The following CCDC102B variants were observed in gnomAD, a reference collection of about 807,000 sequenced individuals.
CCDC102B encodes the protein coiled-coil domain containing 102B.
In CCDC102B, 75 loss-of-function variants were observed where a neutral mutation model predicts 57.4. The observed-to-expected ratio is 1.31, with a 90% CI of 1.08 to 1.58. The LOEUF (loss-of-function observed/expected upper bound fraction) is 1.58. Among genes scored for constraint, CCDC102B ranks in the 40% most tolerant of loss-of-function variants. The pLI is 0.00. For synonymous variants in CCDC102B, 206 were observed against 201.9 expected (o/e 1.02, Z -0.17); for missense variants, 636 against 582.6 (o/e 1.09, Z -0.94).
chr18:68,866,691 TAC>T (rs1368617644), intron 4 of CCDC102B: 2 of 473,320 alleles, frequency 4.2e-6, no homozygotes, highest in Non-Finnish European at 8.3e-6. Flanking sequence ...TAGCACTGTC[TAC>T]AGTTTGGCCT....
intron 3 of CCDC102B, among the ~76,000 whole-genome samples, chr18:68,840,597 A>C (rs566715882): frequency 6.6e-6 from 1 of 152,348 alleles, no homozygotes; most frequent in Non-Finnish European, 1.5e-5. Context: ...GCTCGTACAC[A>C]TAGTGACAAT....
chr18:69,001,199 A>G (rs2051192065), intron 6 of CCDC102B, among the ~76,000 whole-genome samples: 1 of 152,056 alleles, frequency 6.6e-6, no homozygotes, highest in African/African-American at 2.4e-5. Context: ...TTTCAGACTC[A>G]ATGTTCCTTT....
At chr18:69,048,752 C>A (rs1568149563) in intron 7 of CCDC102B, among the ~76,000 whole-genome samples, 1 of 151,938 alleles carries the variant, frequency 6.6e-6, no homozygotes, top group African/African-American at 2.4e-5. Context: ...GGAAGAGTAA[C>A]AACTTAAATC....
intron 1 of CCDC102B, among the ~76,000 whole-genome samples, chr18:68,822,289 G>A (rs1366201868): frequency 6.6e-6 from 1 of 151,978 alleles, no homozygotes; most frequent in Non-Finnish European, 1.5e-5. Flanking sequence ...AGGTACTCAG[G>A]ATGCTGAAGC....
intron 7 of CCDC102B, among the ~76,000 whole-genome samples, chr18:69,041,367 CTTATGG>C (rs2052430523): frequency 6.6e-6 from 1 of 151,974 alleles, no homozygotes; most frequent in Non-Finnish European, 1.5e-5. Flanking sequence ...GTATCTTGCA[CTTATGG>C]TTAACATGAC....
intron 2 of CCDC102B, among the ~76,000 whole-genome samples, chr18:68,735,617 C>A (rs1187896092): frequency 6.6e-6 from 1 of 152,140 alleles, no homozygotes; most frequent in Non-Finnish European, 1.5e-5. Flanking sequence ...TCCTGTTTGG[C>A]CCAAAGGCAA....
chr18:68,930,756 G>A (rs1438508789), intron 6 of CCDC102B, among the ~76,000 whole-genome samples: 1 of 151,892 alleles, frequency 6.6e-6, no homozygotes, highest in African/African-American at 2.4e-5. Flanking sequence ...TCAGAATTTT[G>A]GATGGTTGCT....
At chr18:68,839,895 A>G (rs1331352455) in intron 3 of CCDC102B, among the ~76,000 whole-genome samples, 3 of 152,188 alleles carry the variant, frequency 2.0e-5, no homozygotes, top group African/African-American at 7.2e-5. Context: ...GATTAAAGAG[A>G]GAGAGGCACT....
chr18:68,913,239 A>C (rs2040935892), intron 6 of CCDC102B, among the ~76,000 whole-genome samples: 1 of 151,824 alleles, frequency 6.6e-6, no homozygotes, highest in African/African-American at 2.4e-5. Flanking sequence ...TCCATACATC[A>C]GTAACTAGAA....
intron 6 of CCDC102B, among the ~76,000 whole-genome samples, chr18:68,974,458 GATATTATTTTA>G (rs1184288202): frequency 1.1e-4 from 17 of 152,054 alleles, no homozygotes; most frequent in Middle Eastern, 3.4e-3. Context: ...AATGCACTAA[GATATTATTTTA>G]ATATTATTTT....
chr18:68,829,621 T>C (rs1719732007), intron 1 of CCDC102B, among the ~76,000 whole-genome samples: 1 of 151,996 alleles, frequency 6.6e-6, no homozygotes, highest in Admixed American at 6.6e-5. Flanking sequence ...GCACATCCTA[T>C]CAAATGGGTG....
intron 6 of CCDC102B, among the ~76,000 whole-genome samples, chr18:68,992,046 G>T (rs1035422106): frequency 1.3e-5 from 2 of 151,850 alleles, no homozygotes; most frequent in African/African-American, 4.8e-5. Flanking sequence ...CGTTTATCTA[G>T]TGACCTTATT....
chr18:68,762,245 C>T (rs1453505498), intron 2 of CCDC102B, among the ~76,000 whole-genome samples: 1 of 152,126 alleles, frequency 6.6e-6, no homozygotes, highest in Non-Finnish European at 1.5e-5. Flanking sequence ...AGAAGGCTAA[C>T]ATATCTCTTA....
At chr18:68,984,349 A>G (rs143776946) in intron 6 of CCDC102B, among the ~76,000 whole-genome samples, 16 of 152,182 alleles carry the variant, frequency 1.1e-4, no homozygotes, top group Admixed American at 3.3e-4. Flanking sequence ...AATGCCATAA[A>G]TTGCAGAGTA....
At chr18:68,834,582 A>G (rs1378193829) in intron 1 of CCDC102B, among the ~76,000 whole-genome samples, 1 of 151,294 alleles carries the variant, frequency 6.6e-6, no homozygotes, top group Non-Finnish European at 1.5e-5. Context: ...ACTCCAAATC[A>G]GCAATAATTG....
intron 6 of CCDC102B, among the ~76,000 whole-genome samples, chr18:68,959,325 A>G (rs2049987662): frequency 6.6e-6 from 1 of 152,098 alleles, no homozygotes; most frequent in Non-Finnish European, 1.5e-5. Flanking sequence ...TTAGCTGGCA[A>G]AGACTCTTGT....
At chr18:68,873,995 G>A (rs112150337) in intron 4 of CCDC102B, among the ~76,000 whole-genome samples, 4,471 of 151,652 alleles carry the variant, frequency 0.029, 95 homozygotes, top group East Asian at 0.048. Context: ...CAAATTTCAC[G>A]GTTCTGCTGA....
At chr18:68,905,817 A>T (rs1391594395) in intron 6 of CCDC102B, among the ~76,000 whole-genome samples, 1 of 107,862 alleles carries the variant, frequency 9.3e-6, no homozygotes, top group Non-Finnish European at 1.7e-5. Context: ...TTTTTGAGAC[A>T]GAGTCTAGCT....
intron 2 of CCDC102B, among the ~76,000 whole-genome samples, chr18:68,773,583 A>G (rs2034713041): frequency 6.6e-6 from 1 of 152,016 alleles, no homozygotes; most frequent in Admixed American, 6.6e-5. Context: ...GTTTTGAAGC[A>G]CTGCTTAAAA....
Sources: gnomAD v4.1 joint callset for allele counts (sites outside exome capture counted in the v4.1 genomes callset) on GRCh38, gnomAD v4.1.1 for gene constraint, MANE v1.5 for transcripts, NCBI Gene and HGNC (gene_info 2026-07-23, HGNC 2026-07-21) for gene names.